DPH6: variants seen among roughly 807,000 people sequenced by gnomAD.
The protein encoded by DPH6 is diphthamine biosynthesis 6.
A neutral mutation model predicts 38.2 loss-of-function variants in DPH6; 33 were observed. The ratio of observed to expected loss-of-function variants is 0.86; its 90% confidence interval spans 0.65 to 1.15. DPH6 has a LOEUF of 1.15. DPH6 is among the 50% of genes most tolerant of loss of function. The pLI, the probability that DPH6 is intolerant of heterozygous loss-of-function variation, is 0.00. For synonymous variants in DPH6, 108 were observed against 103.0 expected (o/e 1.05, Z -0.30); for missense variants, 325 against 320.0 (o/e 1.02, Z -0.12).
At chr15:35,289,525 T>C (rs903188657) in intron 3 of DPH6, among the ~76,000 whole-genome samples, 8 of 152,088 alleles carry the variant, frequency 5.3e-5, no homozygotes, top group African/African-American at 1.9e-4. Flanking sequence ...CTGCCTTCAA[T>C]AAATAAAAAA....
chr15:35,214,206 A>C (rs1035110018), downstream of DPH6, among the ~76,000 whole-genome samples: 3 of 152,058 alleles, frequency 2.0e-5, no homozygotes, highest in African/African-American at 7.2e-5. Context: ...TACATTGCTC[A>C]TTCAGTACTA....
intron 3 of DPH6, among the ~76,000 whole-genome samples, chr15:35,499,723 G>C (rs1178087661): frequency 3.3e-5 from 5 of 152,174 alleles, no homozygotes; most frequent in Admixed American, 3.3e-4. Flanking sequence ...CAGCAGCTAA[G>C]AGAAATAAGA....
the DPH6 span, among the ~76,000 whole-genome samples, chr15:35,184,810 G>C: frequency 3.3e-5 from 5 of 152,278 alleles, no homozygotes; most frequent in East Asian, 9.6e-4. Flanking sequence ...CTTGTTGTGT[G>C]TCCTTAAGTA....
intron 3 of DPH6, chr15:35,365,759 A>G: frequency 1.0e-6 from 1 of 984,372 alleles, no homozygotes. Flanking sequence ...TACTCGAGAC[A>G]GAAATGAGTC....
chr15:35,323,278 C>T (rs533747351), intron 3 of DPH6, among the ~76,000 whole-genome samples: 1 of 152,222 alleles, frequency 6.6e-6, no homozygotes, highest in South Asian at 2.1e-4. Context: ...GTCTTCAAGT[C>T]AGCTTTCTTA....
intron 3 of DPH6, chr15:35,237,910 AGAG>A (rs746413268): frequency 2.1e-6 from 3 of 1,407,442 alleles, no homozygotes; most frequent in Non-Finnish European, 2.0e-6. Flanking sequence ...AGGAAGGTGA[AGAG>A]GAGGACGTGA....
At chr15:35,202,894 C>G in the DPH6 span, among the ~76,000 whole-genome samples, 3 of 151,644 alleles carry the variant, frequency 2.0e-5, no homozygotes, top group Non-Finnish European at 4.4e-5. Flanking sequence ...TTGCTTTTAA[C>G]AGAGTCAATG....
At position 35,269,713 on chromosome 15, in the gene DPH6, C is replaced by T. The variant is rs111927767; in HGVS notation, n.201-49131G>A. On this transcript the variant is annotated intron_variant and non_coding_transcript_variant, in intron 3 of 3. Coordinates refer to the DPH6 transcript ENST00000560386. ...TCGGCCTCCCAAAGTGCTGGGATTA[C>T]AGGCGCAGCCACCGCGCCCGGCCAG... is the stretch of plus-strand genomic sequence containing the variant. Among the ~76,000 whole-genome samples the T allele has an allele frequency of 4.2e-4, 64 of 150,682 alleles. 1 individual carries two copies. The highest frequency in any genetic ancestry group is 3.5e-3 in the Middle Eastern group (1 of 286).
At chr15:35,473,522 G>T (rs1446800758) in intron 3 of DPH6, among the ~76,000 whole-genome samples, 1 of 152,046 alleles carries the variant, frequency 6.6e-6, no homozygotes, top group Non-Finnish European at 1.5e-5. Flanking sequence ...TTAATTTCAT[G>T]AAAAATCAGA....
At chr15:35,395,757 A>G (rs1023709373) in intron 6 of DPH6, among the ~76,000 whole-genome samples, 35 of 152,212 alleles carry the variant, frequency 2.3e-4, no homozygotes, top group African/African-American at 7.7e-4. Flanking sequence ...TAAATTTATT[A>G]GGGATTTACC....
At chr15:35,348,097 C>T (rs2052478078) in intron 3 of DPH6, among the ~76,000 whole-genome samples, 1 of 151,924 alleles carries the variant, frequency 6.6e-6, no homozygotes, top group South Asian at 2.1e-4. Context: ...ATTTGGTTTC[C>T]CAAACTTTTC....
At chr15:35,314,364 G>C (rs926960931) in intron 3 of DPH6, among the ~76,000 whole-genome samples, 8 of 151,994 alleles carry the variant, frequency 5.3e-5, no homozygotes, top group Admixed American at 1.3e-4. Context: ...CTTATTACTT[G>C]ATATATATTT....
At chr15:35,373,634 A>T in intron 7 of DPH6, 26 bp from the exon 8 acceptor site, 1 of 1,575,924 alleles carries the variant, frequency 6.3e-7, no homozygotes. Context: ...TTTACAATAC[A>T]TTTATATGCT....
At chr15:35,314,459 A>T (rs2052170835) in intron 3 of DPH6, among the ~76,000 whole-genome samples, 1 of 152,226 alleles carries the variant, frequency 6.6e-6, no homozygotes, top group Non-Finnish European at 1.5e-5. Flanking sequence ...ATCGGTCATA[A>T]AGCAGCGGAG....
chr15:35,388,695 T>C (rs1452235616), intron 6 of DPH6, among the ~76,000 whole-genome samples: 2 of 152,218 alleles, frequency 1.3e-5, no homozygotes, highest in East Asian at 3.8e-4. Flanking sequence ...ATATCCCCTT[T>C]GTCATTTTTT....
chr15:35,418,207 T>C (rs2053459425), intron 5 of DPH6, among the ~76,000 whole-genome samples: 1 of 152,134 alleles, frequency 6.6e-6, no homozygotes, highest in Non-Finnish European at 1.5e-5. Flanking sequence ...TTTATGTATA[T>C]ATCTCCCTAC....
At chr15:35,189,246 C>G in the DPH6 span, among the ~76,000 whole-genome samples, 4 of 152,222 alleles carry the variant, frequency 2.6e-5, no homozygotes, top group African/African-American at 9.6e-5. Flanking sequence ...TGTCCTTTAC[C>G]CTATTTTTCT....
chr15:35,208,362 G>C, the DPH6 span, among the ~76,000 whole-genome samples: 2 of 152,106 alleles, frequency 1.3e-5, no homozygotes, highest in East Asian at 3.8e-4. Context: ...GGAGTTATGG[G>C]AAAAGACTCT....
chr15:35,148,104 A>C, the DPH6 span, among the ~76,000 whole-genome samples: 4 of 152,238 alleles, frequency 2.6e-5, no homozygotes, highest in Non-Finnish European at 5.9e-5. Context: ...CAATTGTTTC[A>C]GAAGAAATAA....
Sources: gnomAD v4.1 joint callset for allele counts (sites outside exome capture counted in the v4.1 genomes callset) on GRCh38, gnomAD v4.1.1 for gene constraint, MANE v1.5 for transcripts, NCBI Gene and HGNC (gene_info 2026-07-23, HGNC 2026-07-21) for gene names.